Variants in PAWR observed in about 807,000 individuals in gnomAD.
The protein encoded by PAWR is PRKC apoptosis WT1 regulator protein.
A neutral mutation model predicts 32.0 loss-of-function variants in PAWR; 23 were observed. The observed-to-expected ratio is 0.72, with a 90% CI of 0.52 to 1.02. PAWR has a LOEUF of 1.02. PAWR is among the 50% of genes least tolerant of loss of function. The pLI is 0.00. For synonymous variants in PAWR, 226 were observed against 187.1 expected (o/e 1.21, Z -1.70); for missense variants, 457 against 437.7 (o/e 1.04, Z -0.39).
At chr12:79,659,086 A>C (rs2136818764) in intron 2 of PAWR, among the ~76,000 whole-genome samples, 1 of 151,100 alleles carries the variant, frequency 6.6e-6, no homozygotes, top group African/African-American at 2.4e-5. Flanking sequence ...TCACAAACTC[A>C]GGAGATCAAC....
chr12:79,657,472 G>A (rs1412468933), intron 2 of PAWR, among the ~76,000 whole-genome samples: 1 of 151,996 alleles, frequency 6.6e-6, no homozygotes, highest in East Asian at 1.9e-4. Context: ...AAGGGGGTGG[G>A]TTGAGATTGC....
chr12:79,687,612 G>GT (rs1878746721), intron 2 of PAWR, among the ~76,000 whole-genome samples: 1 of 152,036 alleles, frequency 6.6e-6, no homozygotes, highest in Admixed American at 6.6e-5. Flanking sequence ...TGCAAAATAT[G>GT]TATGACTTTT....
At chr12:79,627,276 G>A (rs568984366) in intron 2 of PAWR, among the ~76,000 whole-genome samples, 35 of 152,114 alleles carry the variant, frequency 2.3e-4, no homozygotes, top group East Asian at 9.7e-4. Flanking sequence ...TTTAATGATC[G>A]CCATTCTAAC....
At chr12:79,685,167 T>C (rs1206003370) in intron 2 of PAWR, among the ~76,000 whole-genome samples, 2 of 152,210 alleles carry the variant, frequency 1.3e-5, no homozygotes, top group African/African-American at 2.4e-5. Flanking sequence ...AAAATTTCAA[T>C]TTACTTTACC....
intron 2 of PAWR, chr12:79,688,358 T>C (rs1878787133): frequency 6.6e-6 from 1 of 151,268 alleles, no homozygotes; most frequent in African/African-American, 2.4e-5. Flanking sequence ...AGATTGAAAA[T>C]GACAAATTCT....
At chr12:79,667,445 G>A (rs980284564) in intron 2 of PAWR, among the ~76,000 whole-genome samples, 1 of 152,054 alleles carries the variant, frequency 6.6e-6, no homozygotes, top group Admixed American at 6.6e-5. Flanking sequence ...ACAAGACCAC[G>A]GGGGATGCAT....
At chr12:79,671,703 G>C (rs1336279771) in intron 2 of PAWR, among the ~76,000 whole-genome samples, 1 of 151,582 alleles carries the variant, frequency 6.6e-6, no homozygotes, top group Non-Finnish European at 1.5e-5. Context: ...TACATGTAAT[G>C]AACTTAGAAC....
At chr12:79,628,600 C>T (rs1394884243) in intron 2 of PAWR, among the ~76,000 whole-genome samples, 2 of 151,840 alleles carry the variant, frequency 1.3e-5, no homozygotes, top group African/African-American at 4.8e-5. Flanking sequence ...AAGACTTCTA[C>T]AAATAACAAA....
intron 3 of PAWR, among the ~76,000 whole-genome samples, chr12:79,615,470 G>A (rs148628905): frequency 4.6e-5 from 7 of 152,150 alleles, no homozygotes; most frequent in Non-Finnish European, 8.8e-5. Context: ...CCATAAACAC[G>A]CTTAGTTCTG....
At chr12:79,648,666 G>A (rs922122459) in intron 2 of PAWR, among the ~76,000 whole-genome samples, 2 of 149,280 alleles carry the variant, frequency 1.3e-5, no homozygotes, top group Non-Finnish European at 3.0e-5. Flanking sequence ...GCACATGTCT[G>A]TAGTCCCAGC....
chr12:79,604,296 A>C (rs1003751605), intron 4 of PAWR: 3 of 995,468 alleles, frequency 3.0e-6, no homozygotes, highest in Middle Eastern at 5.1e-4. Flanking sequence ...AAAAGGGAAA[A>C]GAAACAGTAT....
chr12:79,669,394 T>A (rs1877772953), intron 2 of PAWR, among the ~76,000 whole-genome samples: 1 of 152,208 alleles, frequency 6.6e-6, no homozygotes, highest in African/African-American at 2.4e-5. Context: ...GATACACTGT[T>A]CTATCTTTTC....
intron 2 of PAWR, among the ~76,000 whole-genome samples, chr12:79,651,913 C>G (rs1199096983): frequency 1.3e-5 from 2 of 152,158 alleles, no homozygotes; most frequent in Non-Finnish European, 2.9e-5. Context: ...GAATACTATT[C>G]AGCCTTAAAA....
chr12:79,593,109 T>A (rs1474729108), intron 6 of PAWR, among the ~76,000 whole-genome samples: 1 of 151,858 alleles, frequency 6.6e-6, no homozygotes, highest in Non-Finnish European at 1.5e-5. Context: ...GTCAAATTAG[T>A]CATCAAAAGG....
At chr12:79,653,901 T>C (rs1313493326) in intron 2 of PAWR, among the ~76,000 whole-genome samples, 2 of 152,264 alleles carry the variant, frequency 1.3e-5, no homozygotes, top group African/African-American at 4.8e-5. Context: ...CATTTAATCC[T>C]GCAACTTTTA....
chr12:79,653,910 T>C (rs1259787658), intron 2 of PAWR, among the ~76,000 whole-genome samples: 1 of 152,258 alleles, frequency 6.6e-6, no homozygotes, highest in African/African-American at 2.4e-5. Context: ...CTGCAACTTT[T>C]AGTTGAGGCC....
intron 2 of PAWR, among the ~76,000 whole-genome samples, chr12:79,679,725 T>C (rs998426360): frequency 3.9e-5 from 6 of 152,204 alleles, no homozygotes; most frequent in African/African-American, 1.4e-4. Flanking sequence ...AACTTAAGTT[T>C]TGAGGTAAAA....
At position 79,689,804 on chromosome 12, in the gene PAWR, G is replaced by A. The variant is rs1399949514; in HGVS notation, c.441C>T (p.Gly147=). The A allele has an allele frequency of 1.3e-6, 2 of 1,595,230 alleles. No homozygotes were observed. The highest frequency in any genetic ancestry group is 1.7e-6 in the Non-Finnish European group (2 of 1,171,762). The change falls in exon 2 of 7, where the codon GGC becomes GGT. Residue 147 remains glycine (G), a synonymous_variant. Coordinates refer to ENST00000328827, the MANE Select transcript of PAWR (RefSeq NM_002583.4). ...GCTTCCTCTTCTCGATCTGCCCCTT[G>A]CCTTTCCTGGCACTGGGGCCCGAGC... ...GKSSGPSARK[G]KGQIEKRKLR...
intron 4 of PAWR, among the ~76,000 whole-genome samples, chr12:79,611,829 A>G (rs1874453550): frequency 6.6e-6 from 1 of 152,168 alleles, no homozygotes; most frequent in African/African-American, 2.4e-5. Context: ...TTTCACAAAA[A>G]TTCACAGAGA....
Sources: gnomAD v4.1 joint callset for allele counts (sites outside exome capture counted in the v4.1 genomes callset) on GRCh38, gnomAD v4.1.1 for gene constraint, MANE v1.5 for transcripts, NCBI Gene and HGNC (gene_info 2026-07-23, HGNC 2026-07-21) for gene names.